The following SPATA16 variants were observed in gnomAD, a reference collection of about 807,000 sequenced individuals.
SPATA16 encodes the protein spermatogenesis-associated protein 16.
SPATA16 carries 36 observed loss-of-function variants against 63.3 expected under a neutral mutation model. The ratio of observed to expected loss-of-function variants is 0.57; its 90% CI spans 0.44 to 0.75. The LOEUF is 0.75. Among genes scored for constraint, SPATA16 ranks in the 30% least tolerant of loss-of-function variants. The pLI is 0.00. For missense variants in SPATA16, 646 were observed against 679.3 expected, an observed-to-expected ratio of 0.95 and a Z score of 0.54; for synonymous variants, 203 against 216.7, an observed-to-expected ratio of 0.94 and a Z score of 0.56.
At chr3:173,127,856 T>C (rs1738268251) in intron 1 of SPATA16, among the ~76,000 whole-genome samples, 1 of 152,258 alleles carries the variant, frequency 6.6e-6, no homozygotes, top group Non-Finnish European at 1.5e-5. Flanking sequence ...CGCAATTTCC[T>C]GCTTCCTCAT....
chr3:173,002,877 G>C (rs1734856526), intron 4 of SPATA16, among the ~76,000 whole-genome samples: 1 of 152,174 alleles, frequency 6.6e-6, no homozygotes, highest in Non-Finnish European at 1.5e-5. Flanking sequence ...CTTGATAGCA[G>C]ATTCCTAGCT....
intron 4 of SPATA16, among the ~76,000 whole-genome samples, chr3:173,010,123 C>T (rs146673088): frequency 5.6e-4 from 86 of 152,280 alleles, no homozygotes; most frequent in African/African-American, 2.0e-3. Flanking sequence ...AGCATGAATC[C>T]GCAGTAGGTT....
chr3:172,982,787 A>G (rs764292141), intron 4 of SPATA16, among the ~76,000 whole-genome samples: 1 of 152,222 alleles, frequency 6.6e-6, no homozygotes, highest in Non-Finnish European at 1.5e-5. Context: ...GTGCTTTTAC[A>G]GATTGGATAT....
intron 2 of SPATA16, among the ~76,000 whole-genome samples, chr3:173,093,040 AACACACACACACACAC>A (rs57114377): frequency 2.6e-4 from 37 of 142,648 alleles, no homozygotes; most frequent in Non-Finnish European, 4.7e-4. Context: ...ATGCACCTAA[AACACACACACACACAC>A]ACACACACAC....
chr3:173,103,312 G>A (rs1011625439), intron 2 of SPATA16, among the ~76,000 whole-genome samples: 3 of 152,180 alleles, frequency 2.0e-5, no homozygotes, highest in Non-Finnish European at 4.4e-5. Flanking sequence ...AACTCTGTGT[G>A]GGGGGTCCAA....
intron 2 of SPATA16, among the ~76,000 whole-genome samples, chr3:173,057,120 T>C (rs565290673): frequency 1.2e-4 from 18 of 151,132 alleles, no homozygotes; most frequent in South Asian, 2.1e-4. Context: ...CTTTTCTTTT[T>C]TTTTTTTTTG....
At chr3:172,937,697 T>C (rs1243383319) in intron 6 of SPATA16, among the ~76,000 whole-genome samples, 2 of 152,226 alleles carry the variant, frequency 1.3e-5, no homozygotes, top group Non-Finnish European at 2.9e-5. Context: ...TAAATATATA[T>C]ACCCAGGGGG....
intron 4 of SPATA16, among the ~76,000 whole-genome samples, chr3:172,994,928 A>G (rs902000063): frequency 1.3e-5 from 2 of 152,108 alleles, no homozygotes; most frequent in African/African-American, 4.8e-5. Context: ...TTAAGTTTAG[A>G]ACATGTTTTG....
At chr3:172,896,663 A>T (rs115018141) in intron 10 of SPATA16, among the ~76,000 whole-genome samples, 2,948 of 152,274 alleles carry the variant, frequency 0.019, 30 homozygotes, top group Middle Eastern at 0.058. Context: ...GTGTAGTGAC[A>T]TCTCATTGTG....
At chr3:173,051,349 A>G (rs533905256) in intron 2 of SPATA16, among the ~76,000 whole-genome samples, 2 of 150,622 alleles carry the variant, frequency 1.3e-5, no homozygotes, top group African/African-American at 5.0e-5. Flanking sequence ...ATTACAGGCA[A>G]GTGCCACCAC....
chr3:173,026,533 T>C (rs532202892), intron 3 of SPATA16, among the ~76,000 whole-genome samples: 14 of 152,076 alleles, frequency 9.2e-5, no homozygotes, highest in African/African-American at 3.4e-4. Flanking sequence ...ACAAAGAATT[T>C]CTTTCATATT....
chr3:173,069,114 A>AG, intron 2 of SPATA16, among the ~76,000 whole-genome samples: 8 of 148,754 alleles, frequency 5.4e-5, no homozygotes, highest in African/African-American at 2.0e-4. Context: ...CGTCTCAAGA[A>AG]AAAAAAAAAA....
intron 4 of SPATA16, among the ~76,000 whole-genome samples, chr3:173,010,977 A>C (rs1405336186): frequency 6.6e-6 from 1 of 152,172 alleles, no homozygotes; most frequent in Non-Finnish European, 1.5e-5. Flanking sequence ...CCTGGACCAG[A>C]TGGATTCACA....
intron 2 of SPATA16, among the ~76,000 whole-genome samples, chr3:173,074,307 T>G (rs1259622267): frequency 6.6e-6 from 1 of 152,056 alleles, no homozygotes; most frequent in Non-Finnish European, 1.5e-5. Flanking sequence ...TGGGAGGGGC[T>G]AGGGGTGAAA....
intron 2 of SPATA16, among the ~76,000 whole-genome samples, chr3:173,065,094 C>T (rs147726970): frequency 3.9e-4 from 59 of 152,224 alleles, no homozygotes; most frequent in African/African-American, 1.3e-3. Context: ...GGAGTTATTA[C>T]GTTAACAAAG....
chr3:172,911,968 A>G (rs190266223), intron 10 of SPATA16, among the ~76,000 whole-genome samples: 227 of 152,330 alleles, frequency 1.5e-3, no homozygotes, highest in Non-Finnish European at 2.7e-3. Context: ...AAGATGTCTT[A>G]AAAACATTTT....
intron 2 of SPATA16, among the ~76,000 whole-genome samples, chr3:173,057,167 A>G (rs1184456509): frequency 6.8e-6 from 1 of 147,984 alleles, no homozygotes; most frequent in African/African-American, 2.5e-5. Flanking sequence ...GCTGGAGTGC[A>G]GTGGCGAGAT....
chr3:173,014,639 G>A (rs888181845), intron 4 of SPATA16, among the ~76,000 whole-genome samples: 1 of 152,188 alleles, frequency 6.6e-6, no homozygotes, highest in Admixed American at 6.5e-5. Context: ...ATGCTCTGAA[G>A]TTATATTAAT....
chr3:173,089,503 T>C (rs1737166848), intron 2 of SPATA16, among the ~76,000 whole-genome samples: 1 of 152,172 alleles, frequency 6.6e-6, no homozygotes, highest in African/African-American at 2.4e-5. Flanking sequence ...TTGCCTGTTA[T>C]CAGTGACAGC....
Sources: gnomAD v4.1 joint callset for allele counts (sites outside exome capture counted in the v4.1 genomes callset) on GRCh38, gnomAD v4.1.1 for gene constraint, MANE v1.5 for transcripts, NCBI Gene and HGNC (gene_info 2026-07-23, HGNC 2026-07-21) for gene names.